Variants in CUL4A observed in about 807,000 individuals in gnomAD.
CUL4A encodes the protein cullin-4A.
In CUL4A, 16 loss-of-function variants were observed where a neutral mutation model predicts 95.5. The ratio of observed to expected loss-of-function variants is 0.17; its 90% confidence interval spans 0.11 to 0.25. The LOEUF is 0.25. Among genes scored for constraint, CUL4A ranks in the 10% least tolerant of loss-of-function variants. The probability of loss-of-function intolerance (pLI) is 1.00; values close to 1 mark genes in which losing one functional copy is unlikely to be tolerated. For synonymous variants in CUL4A, 380 were observed against 353.1 expected (o/e 1.08, Z -0.85); for missense variants, 610 against 937.0 (o/e 0.65, Z 4.56).
chr13:113,221,736 C>T (rs1240767657), intron 3 of CUL4A, among the ~76,000 whole-genome samples: 1 of 152,108 alleles, frequency 6.6e-6, no homozygotes, highest in African/African-American at 2.4e-5. Flanking sequence ...CACCACCATG[C>T]TCGGCTAATT....
chr13:113,236,873 C>T lies in CUL4A; in HGVS notation c.899C>T (p.Thr300Ile), dbSNP rs1429180530. The part of the protein sequence containing the change: ...VEKQLLGEHL[T>I]AILQKGLDHL... ...AAACAGCTATTAGGAGAACATTTAA[C>T]AGCAATTCTGCAGAAAGGTAGATTT... Residue 300 changes from threonine (T) to isoleucine (I), a missense_variant, in exon 9 of 20, where the codon ACA becomes ATA. Physicochemically the swap from Thr to Ile is moderately conservative, Grantham distance 89 (BLOSUM62 -1). This residue lies in a region of CUL4A where 153 missense variants were observed against 244.5 expected (regional missense o/e 0.63). Transcript: ENST00000375440. 1 of 1,611,258 alleles carries T rather than the reference C, an allele frequency of 6.2e-7. No homozygotes were observed. The highest frequency in any genetic ancestry group is 1.7e-5 in the Admixed American group (1 of 59,822).
intron 6 of CUL4A, 71 bp downstream of exon 6, chr13:113,233,410 C>T (rs1333309470): frequency 7.2e-7 from 1 of 1,387,762 alleles, no homozygotes; most frequent in Non-Finnish European, 1.0e-6. Context: ...ATGGTTGTAC[C>T]AAAGATGTTA....
intron 2 of CUL4A, among the ~76,000 whole-genome samples, chr13:113,216,991 G>A (rs896212008): frequency 6.6e-6 from 1 of 152,148 alleles, no homozygotes; most frequent in African/African-American, 2.4e-5. Context: ...AATAGTAAAT[G>A]TGCACCAAAT....
intron 10 of CUL4A, among the ~76,000 whole-genome samples, chr13:113,241,469 A>C (rs1222190616): frequency 6.8e-6 from 1 of 146,982 alleles, no homozygotes; most frequent in Non-Finnish European, 1.5e-5. Flanking sequence ...CTAGCCACAC[A>C]CCGCCCCTCT....
At chr13:113,215,232 T>G (rs2040608441) in intron 2 of CUL4A, among the ~76,000 whole-genome samples, 1 of 150,132 alleles carries the variant, frequency 6.7e-6, no homozygotes, top group African/African-American at 2.5e-5. Context: ...ACATCCCGTG[T>G]GGCTGTGGAG....
chr13:113,260,584 C>G, intron 18 of CUL4A, 23 bp from the exon 19 acceptor site: 1 of 1,568,758 alleles, frequency 6.4e-7, no homozygotes, highest in Non-Finnish European at 8.6e-7. Flanking sequence ...TTACACTTAA[C>G]TTTTTTTTTC....
rs2041194819 is a variant in CUL4A, at chr13:113,228,627, A to G, written c.438+582A>G. ...GGGAAGGGTTTGGTGAGATGCGTTCACAAGTCTCCCCAGCCAGGTAGTGGG... is the reference window on the plus strand; with the variant it reads ...GGGAAGGGTTTGGTGAGATGCGTTCGCAAGTCTCCCCAGCCAGGTAGTGGG... On this transcript the variant is annotated intron_variant, in intron 4 of 19. Transcript: ENST00000375440. 1.3e-5 allele frequency among the ~76,000 whole-genome samples: 2 copies of G among 151,998 alleles called. 1 individual carries two copies. The highest frequency in any genetic ancestry group is 4.2e-4 in the South Asian group (2 of 4,814).
chr13:113,263,337 G>T (rs2042338779), intron 19 of CUL4A, 150 bp from the exon 20 acceptor site: 2 of 359,390 alleles, frequency 5.6e-6, no homozygotes, highest in East Asian at 8.7e-5. Flanking sequence ...ATAAATATGT[G>T]TATAATTATA....
intron 3 of CUL4A, among the ~76,000 whole-genome samples, chr13:113,220,766 C>T (rs56129102): frequency 0.2 from 31,052 of 152,122 alleles, 4,007 homozygotes; most frequent in Non-Finnish European, 0.27. Flanking sequence ...ACTGCACAAG[C>T]ACTTGCTTTC....
At chr13:113,241,924 TC>T (rs1430065818) in intron 10 of CUL4A, among the ~76,000 whole-genome samples, 1 of 152,200 alleles carries the variant, frequency 6.6e-6, no homozygotes. Context: ...TGTATTCAGT[TC>T]CTCTTCGGCA....
At chr13:113,240,172 G>A (rs969446809) in intron 10 of CUL4A, among the ~76,000 whole-genome samples, 3 of 152,050 alleles carry the variant, frequency 2.0e-5, no homozygotes, top group South Asian at 2.1e-4. Flanking sequence ...AGGGGCTCTC[G>A]GCCCAGGGCA....
intron 2 of CUL4A, among the ~76,000 whole-genome samples, chr13:113,213,248 TG>T (rs1483413563): frequency 6.6e-6 from 1 of 152,060 alleles, no homozygotes; most frequent in Non-Finnish European, 1.5e-5. Context: ...ATTAGCCTAG[TG>T]GGGTGTTGCA....
At position 113,253,808 on chromosome 13, in the gene CUL4A, A is replaced by T. The variant is rs61967891; in HGVS notation, c.1752+613A>T. The stretch of plus-strand genomic sequence containing the variant: ...TAAGAGGGGAGAATGCATACAATGC[A>T]CTGATCAATGAAAGGCGCTTATGAA... On this transcript the variant is annotated intron_variant, in intron 16 of 19. Coordinates refer to ENST00000375440, the MANE Select transcript of CUL4A (RefSeq NM_001008895.4). Among the ~76,000 whole-genome samples the T allele has an allele frequency of 2.4e-3, 363 of 152,336 alleles. 3 individuals carry two copies. The highest frequency in any genetic ancestry group is 6.7e-3 in the Admixed American group (102 of 15,308).
In CUL4A at chr13:113,229,493, G is replaced by A; in HGVS notation, c.486G>A (p.Leu162=). ...IFLFLDRTYV[L]QNSTLPSIWD... ...TGTTCTTGGACCGCACCTATGTGCT[G>A]CAGAACTCCACGCTGCCCTCCATCT... Residue 162 remains leucine, a synonymous_variant, in exon 5 of 20, where the codon CTG becomes CTA. Transcript: ENST00000375440. 6.2e-7 allele frequency: 1 copy of A among 1,613,628 alleles called. No individual in the cohort carries two copies. Among genetic ancestry groups the A allele is most frequent in the Non-Finnish European group, 8.5e-7 (1 of 1,180,002 alleles).
Position 113,254,666 on chromosome 13 carries a change from G to C in CUL4A, c.1753-27G>C. 6 of 1,392,596 alleles carry C rather than the reference G, an allele frequency of 4.3e-6. No individual in the cohort carries two copies. In the African/African-American group the frequency reaches 7.2e-5, roughly 17 times the overall value. 86.3% of individuals were successfully genotyped at this position (1,392,596 alleles called of 1,614,324 possible). On this transcript the variant is annotated intron_variant, in intron 16 of 19. Coordinates refer to ENST00000375440, the MANE Select transcript of CUL4A (RefSeq NM_001008895.4). ...CAAAGATTGTACATGCACAGCTTCA[G>C]AGGTGTGATGAGGCCTTCTCTTCCA... is the stretch of plus-strand genomic sequence containing the variant.
intron 9 of CUL4A, among the ~76,000 whole-genome samples, chr13:113,239,010 T>C (rs1566353145): frequency 6.6e-6 from 1 of 152,264 alleles, no homozygotes. Context: ...TTTTCTCTTA[T>C]AGTTTACTAT....
intron 18 of CUL4A, among the ~76,000 whole-genome samples, chr13:113,259,182 C>T (rs1232306672): frequency 1.3e-5 from 2 of 152,122 alleles, no homozygotes; most frequent in Non-Finnish European, 2.9e-5. Context: ...TTGTCTGCAC[C>T]TTTTCAATAT....
intron 5 of CUL4A, among the ~76,000 whole-genome samples, chr13:113,231,639 C>A (rs1228055960): frequency 6.6e-6 from 1 of 152,174 alleles, no homozygotes; most frequent in East Asian, 1.9e-4. Context: ...ATTTGATCCC[C>A]ATTTTAACAG....
intron 2 of CUL4A, among the ~76,000 whole-genome samples, chr13:113,216,828 G>A (rs747189756): frequency 3.9e-5 from 6 of 152,192 alleles, no homozygotes; most frequent in Non-Finnish European, 7.3e-5. Flanking sequence ...AAAGGCTGTC[G>A]CCTTTCCAGT....
Sources: gnomAD v4.1 joint callset for allele counts (sites outside exome capture counted in the v4.1 genomes callset) on GRCh38, gnomAD v4.1.1 for gene constraint, gnomAD v4.1.1 regional missense constraint, MANE v1.5 for transcripts, NCBI Gene and HGNC (gene_info 2026-07-23, HGNC 2026-07-21) for gene names.